Variants in CSMD3 observed in about 807,000 individuals in gnomAD.
CSMD3 encodes the protein CUB and sushi domain-containing protein 3.
CSMD3 carries 177 observed loss-of-function variants against 435.2 expected under a neutral mutation model. That is an observed-to-expected ratio of 0.41 (90% CI 0.36 to 0.46). CSMD3 has a LOEUF of 0.46. CSMD3 is among the 20% of genes least tolerant of loss of function. The pLI, the probability that CSMD3 is intolerant of heterozygous loss-of-function variation, is 0.34. For missense variants in CSMD3, 4,265 were observed against 4,504.6 expected (o/e 0.95, Z 1.52); for synonymous variants, 1,656 against 1,520.5 (o/e 1.09, Z -2.07).
At chr8:112,382,541 C>G (rs1453876147) in intron 37 of CSMD3, among the ~76,000 whole-genome samples, 2 of 152,058 alleles carry the variant, frequency 1.3e-5, no homozygotes, top group African/African-American at 2.4e-5. Context: ...TTTATTTCAG[C>G]ATATCTGAAT....
intron 1 of CSMD3, 26 bp downstream of exon 1, chr8:113,436,651 G>T (rs777716332): frequency 1.2e-6 from 2 of 1,612,390 alleles, no homozygotes; most frequent in African/African-American, 1.3e-5. Flanking sequence ...CATCCAAAGC[G>T]GAGGGGACCC....
intron 35 of CSMD3, among the ~76,000 whole-genome samples, chr8:112,395,453 T>C (rs1224961121): frequency 6.6e-6 from 1 of 152,166 alleles, no homozygotes; most frequent in African/African-American, 2.4e-5. Flanking sequence ...AGAGTTTGTA[T>C]ATATTTCTTC....
intron 15 of CSMD3, among the ~76,000 whole-genome samples, chr8:112,684,018 T>C (rs747919062): frequency 6.6e-6 from 1 of 151,844 alleles, no homozygotes; most frequent in Non-Finnish European, 1.5e-5. Flanking sequence ...TGAATCTCAT[T>C]AGTAAGCATT....
At chr8:112,525,741 C>CAT (rs1337806575) in intron 27 of CSMD3, among the ~76,000 whole-genome samples, 4 of 126,240 alleles carry the variant, frequency 3.2e-5, no homozygotes, top group Non-Finnish European at 4.9e-5. Context: ...CCCCAAAAAC[C>CAT]ATATATATAC....
At chr8:112,731,297 T>A (rs533902262) in intron 13 of CSMD3, among the ~76,000 whole-genome samples, 8 of 152,206 alleles carry the variant, frequency 5.3e-5, no homozygotes, top group African/African-American at 1.9e-4. Flanking sequence ...AGTCATTTTT[T>A]AAAAAATGAG....
At chr8:112,444,330 T>A (rs1393076239) in intron 32 of CSMD3, among the ~76,000 whole-genome samples, 4 of 152,202 alleles carry the variant, frequency 2.6e-5, no homozygotes, top group Non-Finnish European at 5.9e-5. Context: ...ACACCTTCCC[T>A]GTGACCCAGC....
At chr8:112,612,825 C>G (rs1833370682) in intron 22 of CSMD3, among the ~76,000 whole-genome samples, 1 of 147,882 alleles carries the variant, frequency 6.8e-6, no homozygotes, top group South Asian at 2.2e-4. Flanking sequence ...TCAAGTGAGC[C>G]TCTAGTCTCA....
intron 63 of CSMD3, among the ~76,000 whole-genome samples, chr8:112,247,617 A>G (rs543345017): frequency 6.6e-6 from 1 of 152,284 alleles, no homozygotes; most frequent in Non-Finnish European, 1.5e-5. Context: ...TGATAACGGA[A>G]ATATACAATG....
At chr8:112,334,516 G>T (rs1824381247) in intron 45 of CSMD3, among the ~76,000 whole-genome samples, 1 of 152,108 alleles carries the variant, frequency 6.6e-6, no homozygotes, top group Non-Finnish European at 1.5e-5. Flanking sequence ...TAGATTATTG[G>T]TCTTGTGAAA....
At chr8:112,609,700 A>T (rs751154942) in intron 22 of CSMD3, among the ~76,000 whole-genome samples, 1 of 152,172 alleles carries the variant, frequency 6.6e-6, no homozygotes, top group Non-Finnish European at 1.5e-5. Context: ...TGATATCTGC[A>T]TCCTCATGTT....
At chr8:112,560,206 T>C (rs1361275726) in intron 24 of CSMD3, among the ~76,000 whole-genome samples, 1 of 151,806 alleles carries the variant, frequency 6.6e-6, no homozygotes, top group African/African-American at 2.4e-5. Context: ...ATAAACATTA[T>C]CTCTCAGAGA....
chr8:112,882,554 T>G (rs1336545972), intron 10 of CSMD3, among the ~76,000 whole-genome samples: 1 of 152,018 alleles, frequency 6.6e-6, no homozygotes, highest in Non-Finnish European at 1.5e-5. Flanking sequence ...TCTTTTCCCT[T>G]TATTTATTGA....
At chr8:112,981,133 A>G (rs1323503169) in intron 6 of CSMD3, among the ~76,000 whole-genome samples, 2 of 151,486 alleles carry the variant, frequency 1.3e-5, no homozygotes, top group Admixed American at 1.3e-4. Flanking sequence ...TTGAAACTTC[A>G]TAAGATTAAA....
intron 2 of CSMD3, among the ~76,000 whole-genome samples, chr8:113,308,922 C>T (rs116909484): frequency 2.0e-3 from 298 of 152,036 alleles, no homozygotes; most frequent in Non-Finnish European, 3.6e-3. Context: ...AATTTCTTTA[C>T]GGCAGATGTT....
intron 1 of CSMD3, among the ~76,000 whole-genome samples, chr8:113,435,535 T>C (rs2094700330): frequency 6.6e-6 from 1 of 152,016 alleles, no homozygotes; most frequent in South Asian, 2.1e-4. Flanking sequence ...AGGCACTCCT[T>C]TACAAAGGAA....
intron 3 of CSMD3, among the ~76,000 whole-genome samples, chr8:113,209,116 T>G (rs141711418): frequency 1.4e-3 from 217 of 152,202 alleles, no homozygotes; most frequent in African/African-American, 4.6e-3. Context: ...TATTAAAAGT[T>G]TAGTAATATT....
Position 112,577,884 on chromosome 8 carries a change from A to G in CSMD3, c.3886-4227T>C, listed in dbSNP as rs989725225. Among the ~76,000 whole-genome samples the G allele has an allele frequency of 2.0e-5, 3 of 152,138 alleles. No individual in the cohort carries two copies. The East Asian group carries it at 5.8e-4, about 29-fold the overall frequency. On this transcript the variant is annotated intron_variant, in intron 23 of 70. Coordinates refer to ENST00000297405, the MANE Select transcript of CSMD3 (RefSeq NM_198123.2). Reference sequence around the variant, plus strand: ...TTCTAACTCATTTATCTAATGAATTAGCAATTAAGGTGTTAACATCAATCC... The same window carrying G: ...TTCTAACTCATTTATCTAATGAATTGGCAATTAAGGTGTTAACATCAATCC...
At chr8:113,260,885 C>G (rs189572852) in intron 3 of CSMD3, among the ~76,000 whole-genome samples, 10 of 152,222 alleles carry the variant, frequency 6.6e-5, no homozygotes, top group Non-Finnish European at 1.3e-4. Flanking sequence ...TCATCCATGT[C>G]CCTGCAAAGG....
intron 45 of CSMD3, among the ~76,000 whole-genome samples, chr8:112,325,457 A>G (rs1823411898): frequency 6.6e-6 from 1 of 152,124 alleles, no homozygotes; most frequent in Admixed American, 6.6e-5. Flanking sequence ...ACAATCTGTA[A>G]GAATTATGCA....
Sources: allele counts gnomAD v4.1 joint callset (sites outside exome capture counted in the v4.1 genomes callset), GRCh38; gene constraint gnomAD v4.1.1; transcripts MANE v1.5; gene names NCBI Gene and HGNC (gene_info 2026-07-23, HGNC 2026-07-21).